Variants in TRPM6 observed in about 807,000 individuals in gnomAD.
The protein encoded by TRPM6 is channel kinase 2.
TRPM6 carries 111 observed loss-of-function variants against 247.6 expected under a neutral mutation model. The ratio of observed to expected loss-of-function variants is 0.45; its 90% confidence interval spans 0.38 to 0.52. The LOEUF (loss-of-function observed/expected upper bound fraction) is 0.52. Among genes scored for constraint, TRPM6 ranks in the 20% least tolerant of loss-of-function variants. The pLI is 0.00. For missense variants in TRPM6, 2,126 were observed against 2,421.5 expected (o/e 0.88, Z 2.56); for synonymous variants, 892 against 853.8 (o/e 1.04, Z -0.78).
chr9:74,808,020 T>C lies in TRPM6; in HGVS notation c.1638+14A>G. On this transcript the variant is annotated intron_variant, in intron 14 of 38. Coordinates refer to ENST00000360774, the MANE Select transcript of TRPM6 (RefSeq NM_017662.5). The stretch of plus-strand genomic sequence containing the variant: ...CATTCTCAATTTTACTTGGGCACTT[T>C]TCAATTACTCTACCTTGTATTTTCT... 1.2e-6 allele frequency: 2 copies of C among 1,613,782 alleles called. No individual in the cohort carries two copies. The highest frequency in any genetic ancestry group is 1.1e-5 in the South Asian group (1 of 91,068).
At chr9:74,751,615 C>G (rs1428345960) in intron 29 of TRPM6, among the ~76,000 whole-genome samples, 1 of 152,210 alleles carries the variant, frequency 6.6e-6, no homozygotes, top group East Asian at 1.9e-4. Context: ...ATTCACACTT[C>G]CCACGTGGCG....
At chr9:74,836,318 C>T (rs1329588118) in intron 5 of TRPM6, among the ~76,000 whole-genome samples, 1 of 152,154 alleles carries the variant, frequency 6.6e-6, no homozygotes, top group African/African-American at 2.4e-5. Context: ...GTGGTACTGA[C>T]CTTATATGTG....
Position 74,789,693 on chromosome 9 carries a change from C to T in TRPM6, c.2539-951G>A, listed in dbSNP as rs117363196. The stretch of plus-strand genomic sequence containing the variant: ...ACCTTGTATCGGCTGGATGCGGTGG[C>T]TCATGCCTATAATCCCAGCCCTTTG... On this transcript the variant is annotated intron_variant, in intron 19 of 38. Transcript: ENST00000360774. Among the ~76,000 whole-genome samples, 16 of 152,264 alleles carry T rather than the reference C, an allele frequency of 1.1e-4. No homozygotes were observed. In the East Asian group the frequency reaches 3.1e-3, roughly 29 times the overall value.
At chr9:74,768,907 T>A (rs1826917850) in intron 25 of TRPM6, among the ~76,000 whole-genome samples, 3 of 152,204 alleles carry the variant, frequency 2.0e-5, no homozygotes, top group African/African-American at 7.2e-5. Context: ...TTCATAATCT[T>A]GGGGAGGCAG....
At chr9:74,736,401 T>C (rs767845416) in intron 36 of TRPM6, among the ~76,000 whole-genome samples, 1 of 151,838 alleles carries the variant, frequency 6.6e-6, no homozygotes, top group Admixed American at 6.6e-5. Context: ...GAAATACAAA[T>C]AAATTAAATA....
At chr9:74,826,707 A>G (rs1378221767) in intron 7 of TRPM6, 1 of 150,560 alleles carries the variant, frequency 6.6e-6, no homozygotes, top group Non-Finnish European at 1.5e-5. Context: ...GACACTTTCC[A>G]AGGTCCCTAT....
intron 25 of TRPM6, among the ~76,000 whole-genome samples, chr9:74,770,140 A>AAT: frequency 6.6e-6 from 1 of 152,338 alleles, no homozygotes; most frequent in Non-Finnish European, 1.5e-5. Context: ...GATTTATATA[A>AAT]ATATGGTACC....
intron 18 of TRPM6, among the ~76,000 whole-genome samples, chr9:74,793,770 T>G (rs759792476): frequency 3.1e-4 from 47 of 152,276 alleles, no homozygotes; most frequent in Non-Finnish European, 6.2e-4. Flanking sequence ...GCTTCCAGAG[T>G]TCCTTGAACA....
At chr9:74,832,712 T>C (rs1288241841) in intron 6 of TRPM6, among the ~76,000 whole-genome samples, 2 of 152,336 alleles carry the variant, frequency 1.3e-5, no homozygotes, top group East Asian at 3.9e-4. Flanking sequence ...GAGTTCATTT[T>C]TCTAACTTCT....
chr9:74,853,048 C>T (rs895756348), intron 3 of TRPM6, among the ~76,000 whole-genome samples: 11 of 150,062 alleles, frequency 7.3e-5, no homozygotes, highest in African/African-American at 2.5e-4. Context: ...ATGTGGGGAG[C>T]GCCTCTGCCC....
At chr9:74,753,426 C>T (rs35475399) in intron 28 of TRPM6, among the ~76,000 whole-genome samples, 5,276 of 152,030 alleles carry the variant, frequency 0.035, 130 homozygotes, top group Middle Eastern at 0.1. Flanking sequence ...GTGGAGTAGC[C>T]GGCTCATGCC....
chr9:74,797,405 T>C (rs773675514), intron 17 of TRPM6, among the ~76,000 whole-genome samples: 1 of 152,208 alleles, frequency 6.6e-6, no homozygotes, highest in African/African-American at 2.4e-5. Flanking sequence ...TGGTGTTGTA[T>C]TTCCATATAA....
chr9:74,789,319 G>A (rs1827810521), intron 19 of TRPM6, among the ~76,000 whole-genome samples: 1 of 152,070 alleles, frequency 6.6e-6, no homozygotes. Context: ...TCAGCACTCT[G>A]CTTGACACAT....
chr9:74,884,079 G>T (rs186617311), intron 1 of TRPM6, among the ~76,000 whole-genome samples: 5 of 152,158 alleles, frequency 3.3e-5, no homozygotes, highest in Non-Finnish European at 5.9e-5. Context: ...AACCTGGGAC[G>T]CAGAGGTTGT....
At chr9:74,738,741 C>T (rs1162220847) in intron 35 of TRPM6, 129 bp from the exon 36 acceptor site, 7 of 809,914 alleles carry the variant, frequency 8.6e-6, no homozygotes, top group Non-Finnish European at 1.5e-5. Flanking sequence ...CATGCCCTTG[C>T]CCTTTCTATG....
chr9:74,734,002 TA>T (rs1487118375), intron 36 of TRPM6, among the ~76,000 whole-genome samples: 1 of 152,222 alleles, frequency 6.6e-6, no homozygotes, highest in African/African-American at 2.4e-5. Context: ...TAAACGTATA[TA>T]AGTCTTCAAT....
intron 23 of TRPM6, among the ~76,000 whole-genome samples, chr9:74,779,499 C>T (rs1564009980): frequency 6.6e-6 from 1 of 152,152 alleles, no homozygotes; most frequent in Admixed American, 6.5e-5. Context: ...ACTTTGCTGA[C>T]TCTCAACCCC....
At chr9:74,806,400 A>T (rs1828528856) in intron 14 of TRPM6, among the ~76,000 whole-genome samples, 1 of 152,170 alleles carries the variant, frequency 6.6e-6, no homozygotes, top group Admixed American at 6.5e-5. Context: ...TCTTGGGATT[A>T]CAGGCGTGAG....
intron 1 of TRPM6, among the ~76,000 whole-genome samples, chr9:74,882,494 C>T (rs1164769953): frequency 6.6e-6 from 1 of 152,188 alleles, no homozygotes; most frequent in Non-Finnish European, 1.5e-5. Flanking sequence ...AAACAGCCAA[C>T]ATGCATATGA....
Sources: allele counts gnomAD v4.1 joint callset (sites outside exome capture counted in the v4.1 genomes callset), GRCh38; gene constraint gnomAD v4.1.1; transcripts MANE v1.5; gene names NCBI Gene and HGNC (gene_info 2026-07-23, HGNC 2026-07-21).